The following PLOD1 variants were observed in gnomAD, a reference collection of about 807,000 sequenced individuals.
PLOD1 encodes the protein procollagen-lysine,2-oxoglutarate 5-dioxygenase 1, also known as lysine hydroxylase.
PLOD1 carries 70 observed loss-of-function variants against 94.7 expected under a neutral mutation model. That is an observed-to-expected ratio of 0.74 (90% CI 0.61 to 0.90). The LOEUF is 0.90. Among genes scored for constraint, PLOD1 ranks in the 40% least tolerant of loss-of-function variants. The pLI is 0.00. For synonymous variants in PLOD1, 417 were observed against 400.2 expected (o/e 1.04, Z -0.50); for missense variants, 905 against 972.7 (o/e 0.93, Z 0.93).
Position 11,934,749 on chromosome 1 carries a change from G to C in PLOD1, c.-31G>C, listed in dbSNP as rs1034921332. The C allele has an allele frequency of 5.8e-5, 88 of 1,521,812 alleles. No individual in the cohort carries two copies. Among genetic ancestry groups the C allele is most frequent in the Non-Finnish European group, 7.1e-5 (81 of 1,141,076 alleles). The allele number at this position is 1,521,812 out of a possible 1,614,324, so 94.3% of individuals were successfully genotyped here. A position where few individuals can be genotyped will look rare whatever the true frequency, so the allele number is the denominator to read the frequency against. On this transcript the variant is annotated 5_prime_UTR_variant, in exon 1 of 19. Coordinates refer to ENST00000196061, the MANE Select transcript of PLOD1 (RefSeq NM_000302.4). ...AGTTTCCAGCCCTGCGAGCGCCGCC[G>C]GGTCGGCCGATCGTCCCCCATACCT...
In PLOD1 at chr1:11,972,776, C is replaced by T. The variant is rs1395056072; in HGVS notation, c.1903-96C>T. 2 of 1,393,004 alleles carry T rather than the reference C, an allele frequency of 1.4e-6. No homozygotes were observed. Among genetic ancestry groups the T allele is most frequent in the South Asian group, 1.2e-5 (1 of 86,072 alleles). The allele number at this position is 1,393,004 out of a possible 1,614,324, so 86.3% of individuals were successfully genotyped here. On this transcript the variant is annotated intron_variant, in intron 17 of 18. Transcript: ENST00000196061. The surrounding 1 kb of genome is among the most constrained non-coding windows in gnomAD (Gnocchi z 4.6). ...CTGGCCCCTGTAAGCTGACCTGCAG[C>T]AGGCCAGACCAGGCCCCATGTGTGC...
intron 18 of PLOD1, 55 bp downstream of exon 18, chr1:11,973,052 G>A: frequency 6.2e-7 from 1 of 1,608,472 alleles, no homozygotes. Flanking sequence ...AGGAGGGCTA[G>A]CTGAGGAGAG....
chr1:11,954,517 C>T lies in PLOD1; in HGVS notation c.580-313C>T, dbSNP rs563043628. On this transcript the variant is annotated intron_variant, in intron 5 of 18. Coordinates refer to ENST00000196061, the MANE Select transcript of PLOD1 (RefSeq NM_000302.4). ...AAAGAATATTTGGAGTAGCTATGTG[C>T]GTGTAGTGGAGTGCTTGGCAGGTGC... is the stretch of plus-strand genomic sequence containing the variant. The T allele has an allele frequency of 7.6e-4, 485 of 637,410 alleles. 2 individuals are homozygous for T. Among genetic ancestry groups the T allele is most frequent in the South Asian group, 6.4e-3 (467 of 72,448 alleles). The allele number at this position is 637,410 out of a possible 1,614,324, so 39.5% of individuals were successfully genotyped here. A position where few individuals can be genotyped will look rare whatever the true frequency, so the allele number is the denominator to read the frequency against.
chr1:11,940,716 C>A (rs1387794108), intron 1 of PLOD1, among the ~76,000 whole-genome samples: 1 of 152,166 alleles, frequency 6.6e-6, no homozygotes, highest in African/African-American at 2.4e-5. Flanking sequence ...CTCTGGGTGC[C>A]AGGCCTTGGC....
chr1:11,953,422 G>T (rs1033516479), intron 5 of PLOD1, among the ~76,000 whole-genome samples: 1 of 152,048 alleles, frequency 6.6e-6, no homozygotes, highest in Non-Finnish European at 1.5e-5. Context: ...AGGCTGCCTG[G>T]GTTCCAATCC....
At chr1:11,944,787 TCCCTGCCCCGGCTAC>T (rs1645639020) in intron 1 of PLOD1, 7 of 650,960 alleles carry the variant, frequency 1.1e-5, no homozygotes, top group Middle Eastern at 6.6e-4. Context: ...TGGGGCCAGC[TCCCTGCCCCGGCTAC>T]CCCTGCCCCA....
chr1:11,965,798 G>A (rs188403735), intron 14 of PLOD1, among the ~76,000 whole-genome samples: 19 of 152,252 alleles, frequency 1.2e-4, no homozygotes, highest in Middle Eastern at 3.4e-3. Context: ...ATTGGAGGAG[G>A]GACCAGGACT....
Position 11,952,724 on chromosome 1 carries a change from C to T in PLOD1, c.568C>T (p.Pro190Ser). 6.2e-7 allele frequency: 1 copy of T among 1,610,248 alleles called. No individual in the cohort carries two copies. The highest frequency in any genetic ancestry group is 8.5e-7 in the Non-Finnish European group (1 of 1,176,542). The change falls in exon 5 of 19, where the codon CCG becomes TCG. Residue 190 changes from proline to serine, a missense_variant. Transcript: ENST00000196061. The stretch of plus-strand genomic sequence containing the variant: ...GTTTTACACCAAGATCTTCTTGGAC[C>T]CGGAGAAGAGGGTAAGAGGCAGTGG... ...QLFYTKIFLD[P>S]EKREQINITL...
chr1:11,937,566 G>C (rs908037567), intron 1 of PLOD1, among the ~76,000 whole-genome samples: 1 of 152,200 alleles, frequency 6.6e-6, no homozygotes, highest in Non-Finnish European at 1.5e-5. Flanking sequence ...GACATGGGGT[G>C]CCTGCATCCC....
rs1456248032 is a variant in PLOD1 at position 11,957,317 on chromosome 1, C to A, written c.741+303C>A. 1.4e-5 allele frequency: 8 copies of A among 579,576 alleles called. No individual in the cohort carries two copies. Among genetic ancestry groups the A allele is most frequent in the East Asian group, 7.3e-5 (2 of 27,380 alleles). The allele number at this position is 579,576 out of a possible 1,614,324, so 35.9% of individuals were successfully genotyped here. A position where few individuals can be genotyped will look rare whatever the true frequency, so the allele number is the denominator to read the frequency against. On this transcript the variant is annotated intron_variant, in intron 7 of 18. Coordinates refer to ENST00000196061, the MANE Select transcript of PLOD1 (RefSeq NM_000302.4). The surrounding 1 kb of genome is among the most constrained non-coding windows in gnomAD (Gnocchi z 4.1). ...TCACCCCAGGGCAGAGTCACTTATT[C>A]ACTCAGTAAACCTTTATTTCATGTT...
At chr1:11,944,422 TACACACACACACACAC>T (rs5772479) in intron 1 of PLOD1, 11 of 475,654 alleles carry the variant, frequency 2.3e-5, no homozygotes, top group South Asian at 3.7e-5. Flanking sequence ...CATGCACGCG[TACACACACACACACAC>T]ACACACACAC....
chr1:11,964,847 C>G, intron 13 of PLOD1, 62 bp downstream of exon 13: 1 of 1,552,582 alleles, frequency 6.4e-7, no homozygotes, highest in Non-Finnish European at 8.9e-7. Flanking sequence ...AGGTGGGCCT[C>G]CAGCTCTGAC....
At chr1:11,943,469 G>A (rs1280631476) in intron 1 of PLOD1, among the ~76,000 whole-genome samples, 1 of 151,870 alleles carries the variant, frequency 6.6e-6, no homozygotes, top group Non-Finnish European at 1.5e-5. Context: ...GCTAATTTTT[G>A]TATTCTTAGT....
At chr1:11,964,547 G>T in intron 12 of PLOD1, 97 bp from the exon 13 acceptor site, 1 of 1,262,150 alleles carries the variant, frequency 7.9e-7, no homozygotes, top group South Asian at 1.2e-5. Context: ...CTCACACCCA[G>T]ACTCCAGGCT....
chr1:11,958,368 C>A lies in PLOD1; in HGVS notation c.844-148C>A. 2.3e-6 allele frequency: 2 copies of A among 879,060 alleles called. No homozygotes were observed. Among genetic ancestry groups the A allele is most frequent in the Non-Finnish European group, 3.6e-6 (2 of 549,380 alleles). 54.5% of individuals were successfully genotyped at this position (879,060 alleles called of 1,614,324 possible). A position where few individuals can be genotyped will look rare whatever the true frequency, so the allele number is the denominator to read the frequency against. ...CTGCTTCCCTGCCCCCCCGTACCCCCTGACTGGAGTTCCCCGGCCCGGGCA... is the reference window on the plus strand; with the variant it reads ...CTGCTTCCCTGCCCCCCCGTACCCCATGACTGGAGTTCCCCGGCCCGGGCA... On this transcript the variant is annotated intron_variant, in intron 8 of 18. Coordinates refer to ENST00000196061, the MANE Select transcript of PLOD1 (RefSeq NM_000302.4). This position sits in a 1 kb window ranked among gnomAD's most constrained non-coding sequence, Gnocchi z 4.3.
At chr1:11,970,866 G>T (rs748027249) in intron 17 of PLOD1, 50 bp downstream of exon 17, 1 of 1,393,182 alleles carries the variant, frequency 7.2e-7, no homozygotes, top group Admixed American at 1.9e-5. Flanking sequence ...TGGGTGGGGT[G>T]TCAGTGGAGT....
chr1:11,969,210 A>C (rs1362824223), intron 16 of PLOD1, among the ~76,000 whole-genome samples: 2 of 151,018 alleles, frequency 1.3e-5, no homozygotes, highest in South Asian at 2.1e-4. Context: ...GCTGGTCTGA[A>C]ACTCCTGACC....
At chr1:11,937,978 A>T (rs1314518534) in intron 1 of PLOD1, among the ~76,000 whole-genome samples, 32 of 138,314 alleles carry the variant, frequency 2.3e-4, no homozygotes, top group Non-Finnish European at 4.3e-4. Flanking sequence ...TTTGAGACAG[A>T]GTCTCGCTTT....
chr1:11,938,675 T>G (rs1645596095), intron 1 of PLOD1, among the ~76,000 whole-genome samples: 2 of 150,958 alleles, frequency 1.3e-5, no homozygotes, highest in African/African-American at 2.4e-5. Flanking sequence ...TCAGCTGGAG[T>G]AGGGAAGGGG....
Sources: gnomAD v4.1 joint callset for allele counts (sites outside exome capture counted in the v4.1 genomes callset) on GRCh38, gnomAD v4.1.1 for gene constraint, Gnocchi (gnomAD v3.1) non-coding constraint, MANE v1.5 for transcripts, NCBI Gene and HGNC (gene_info 2026-07-23, HGNC 2026-07-21) for gene names.